The following ARID1A variants were observed in gnomAD, a reference collection of about 807,000 sequenced individuals.
The protein encoded by ARID1A is AT-rich interaction domain 1A, also known as AT-rich interactive domain-containing protein 1A.
ARID1A carries 20 observed loss-of-function variants against 212.6 expected under a neutral mutation model. The ratio of observed to expected loss-of-function variants is 0.09; its 90% CI spans 0.07 to 0.14. The LOEUF is 0.14. ARID1A is among the 10% of genes least tolerant of loss of function. The pLI is 1.00. For missense variants in ARID1A, 2,587 were observed against 3,059.0 expected (o/e 0.85, Z 3.64); for synonymous variants, 1,376 against 1,222.1 (o/e 1.13, Z -2.63).
chr1:26,726,325 C>A (rs1012547934), intron 1 of ARID1A, among the ~76,000 whole-genome samples: 1 of 151,830 alleles, frequency 6.6e-6, no homozygotes, highest in Non-Finnish European at 1.5e-5. Context: ...AGGCATGTGC[C>A]GCCACACCCA....
At chr1:26,769,469 C>T (rs1333538082) in intron 11 of ARID1A, 1 of 152,154 alleles carries the variant, frequency 6.6e-6, no homozygotes, top group African/African-American at 2.4e-5. Flanking sequence ...GAAGAGTGGC[C>T]AATCCAGTAG....
chr1:26,714,672 C>T (rs2080485111), intron 1 of ARID1A, among the ~76,000 whole-genome samples: 1 of 152,142 alleles, frequency 6.6e-6, no homozygotes, highest in Non-Finnish European at 1.5e-5. Context: ...GCCTCTGCCT[C>T]CCAAAGTGCT....
intron 10 of ARID1A, 97 bp from the exon 11 acceptor site, chr1:26,767,690 TAAG>T (rs1464946245): frequency 3.4e-5 from 41 of 1,211,988 alleles, no homozygotes; most frequent in Admixed American, 5.5e-5. Context: ...CACCCCAGAG[TAAG>T]AAGCTTTAAC....
In ARID1A at chr1:26,771,673, C is replaced by T. The variant is rs2081083506; in HGVS notation, c.3406+347C>T. On this transcript the variant is annotated intron_variant, in intron 12 of 19. Coordinates refer to ENST00000324856, the MANE Select transcript of ARID1A (RefSeq NM_006015.6). This position sits in a 1 kb window ranked among gnomAD's most constrained non-coding sequence, Gnocchi z 5.4. ...AGCTTTGGCCTATTGATGTCAGCACCTTAGAATGCAGCTCAGACTAGAGCC... is the reference window on the plus strand; with the variant it reads ...AGCTTTGGCCTATTGATGTCAGCACTTTAGAATGCAGCTCAGACTAGAGCC... The T allele has an allele frequency of 1.2e-5, 4 of 323,484 alleles. No homozygotes were observed. Among genetic ancestry groups the T allele is most frequent in the Non-Finnish European group, 5.9e-6 (1 of 170,082 alleles). The allele number at this position is 323,484 out of a possible 1,614,324, so 20.0% of individuals were successfully genotyped here. A position where few individuals can be genotyped will look rare whatever the true frequency, so the allele number is the denominator to read the frequency against.
At chr1:26,745,972 A>G (rs750580240) in intron 4 of ARID1A, among the ~76,000 whole-genome samples, 6 of 152,100 alleles carry the variant, frequency 3.9e-5, no homozygotes, top group Non-Finnish European at 5.9e-5. Flanking sequence ...AATCGCTTGA[A>G]CCTGGGAGGC....
intron 1 of ARID1A, 127 bp downstream of exon 1, chr1:26,697,667 T>A (rs1322415168): frequency 7.4e-6 from 7 of 940,608 alleles, no homozygotes; most frequent in Non-Finnish European, 9.7e-6. Flanking sequence ...GAGCTGCCAT[T>A]GTCTGGCTCT....
rs1133451 is a variant in ARID1A, at chr1:26,729,813, A to G, written c.1300A>G (p.Met434Val). The G allele has an allele frequency of 6.2e-7, 1 of 1,614,226 alleles. No individual in the cohort carries two copies. The highest frequency in any genetic ancestry group is 1.1e-5 in the South Asian group (1 of 91,078). ...GACCCCGCAGCGGTACCCGATGACC[A>G]TGCAGGGCCGGGCGCAGAGTGCCAT... ...SQTPQRYPMTMQGRAQSAMGG... is the reference protein window; with the variant it reads ...SQTPQRYPMTVQGRAQSAMGG... The change falls in exon 2 of 20, where the codon ATG becomes GTG. Residue 434 changes from methionine (M) to valine (V), a missense_variant. Met to Val is a conservative substitution (Grantham distance 21, BLOSUM62 1). This residue lies in a region of ARID1A where 674 missense variants were observed against 813.4 expected (regional missense o/e 0.83). Coordinates refer to ENST00000324856, the MANE Select transcript of ARID1A (RefSeq NM_006015.6).
chr1:26,769,770 A>G (rs1570610953), intron 11 of ARID1A: 1 of 152,420 alleles, frequency 6.6e-6, no homozygotes, highest in East Asian at 1.9e-4. Flanking sequence ...ATGAATAAGC[A>G]TAAGAATACA....
chr1:26,770,952 T>C (rs1250311144), intron 11 of ARID1A, 167 bp from the exon 12 acceptor site: 1 of 633,580 alleles, frequency 1.6e-6, no homozygotes, highest in Non-Finnish European at 2.7e-6. Flanking sequence ...CAGCTGCAGA[T>C]TTAACACTTC....
At position 26,780,039 on chromosome 1, in the gene ARID1A, G is replaced by A. The variant is rs1320617416; in HGVS notation, c.6141G>A (p.Glu2047=). The A allele has an allele frequency of 1.2e-6, 2 of 1,614,220 alleles. No individual in the cohort carries two copies. The highest frequency in any genetic ancestry group is 1.7e-5 in the Admixed American group (1 of 60,028). ...QDQGVSCNKV[E]WWWDCLEMLR... is the part of the protein sequence containing the mutation. ...AAGGGGTGAGCTGCAACAAAGTGGAGTGGTGGTGGGACTGCTTGGAGATGC... is the reference window on the plus strand; with the variant it reads ...AAGGGGTGAGCTGCAACAAAGTGGAATGGTGGTGGGACTGCTTGGAGATGC... The change falls in exon 20 of 20, where the codon GAG becomes GAA. Residue 2047 remains glutamate (E), a synonymous_variant. Coordinates refer to ENST00000324856, the MANE Select transcript of ARID1A (RefSeq NM_006015.6). The surrounding 1 kb of genome is among the most constrained non-coding windows in gnomAD (Gnocchi z 7.2).
At chr1:26,709,271 A>G (rs890779478) in intron 1 of ARID1A, among the ~76,000 whole-genome samples, 14 of 152,148 alleles carry the variant, frequency 9.2e-5, no homozygotes, top group Non-Finnish European at 1.3e-4. Flanking sequence ...TCCCACAACT[A>G]TCTCTCCCAC....
rs1343861188 is a variant in ARID1A, at chr1:26,778,905, G to C, written c.5125-118G>C. ...TGCTCTGTGGAGAACCTTTGGGAAA[G>C]GAGCAACTCTGCCTCTCCCAACTGA... On this transcript the variant is annotated intron_variant, in intron 19 of 19. Coordinates refer to ENST00000324856, the MANE Select transcript of ARID1A (RefSeq NM_006015.6). The C allele has an allele frequency of 2.1e-5, 21 of 999,186 alleles. No homozygotes were observed. The East Asian group carries it at 2.8e-4, about 13-fold the overall frequency. 61.9% of individuals were successfully genotyped at this position (999,186 alleles called of 1,614,324 possible). A position where few individuals can be genotyped will look rare whatever the true frequency, so the allele number is the denominator to read the frequency against.
Position 26,696,969 on chromosome 1 carries a change from G to T in ARID1A, c.566G>T (p.Gly189Val), listed in dbSNP as rs2080270760. Residue 189 changes from glycine (G) to valine (V), a missense_variant, in exon 1 of 20, where the codon GGC becomes GTC. Gly to Val is a moderately radical substitution (Grantham distance 109). Transcript: ENST00000324856. ...CTGGCAGCGCTGCAGAGCGGCGGCG[G>T]CGGGGGCCTGGAGCCCTACGCGGGG... ...PGLAALQSGG[G>V]GGLEPYAGPQ... The T allele has an allele frequency of 6.8e-7, 1 of 1,481,398 alleles. No homozygotes were observed. The highest frequency in any genetic ancestry group is 8.9e-7 in the Non-Finnish European group (1 of 1,121,358). The allele number at this position is 1,481,398 out of a possible 1,614,324, so 91.8% of individuals were successfully genotyped here.
At chr1:26,709,729 C>A (rs1187745559) in intron 1 of ARID1A, among the ~76,000 whole-genome samples, 1 of 150,908 alleles carries the variant, frequency 6.6e-6, no homozygotes, top group East Asian at 2.0e-4. Flanking sequence ...ACAATCATAG[C>A]CCACTCTCAA....
chr1:26,710,731 T>C, intron 1 of ARID1A, among the ~76,000 whole-genome samples: 1 of 152,192 alleles, frequency 6.6e-6, no homozygotes, highest in East Asian at 1.9e-4. Flanking sequence ...ACTAGATTTA[T>C]ACATTTACAC....
At chr1:26,756,892 C>T (rs956939310) in intron 4 of ARID1A, among the ~76,000 whole-genome samples, 6 of 151,640 alleles carry the variant, frequency 4.0e-5, no homozygotes, top group Admixed American at 2.0e-4. Context: ...TTAGTAAAGA[C>T]GGGGTTTCAC....
intron 2 of ARID1A, among the ~76,000 whole-genome samples, chr1:26,730,875 C>T (rs1384961172): frequency 1.3e-5 from 2 of 152,302 alleles, no homozygotes; most frequent in African/African-American, 4.8e-5. Context: ...CTGGTAGAAA[C>T]AGCTGCTCTC....
At chr1:26,708,947 G>A (rs1020743155) in intron 1 of ARID1A, among the ~76,000 whole-genome samples, 1 of 151,844 alleles carries the variant, frequency 6.6e-6, no homozygotes, top group South Asian at 2.1e-4. Flanking sequence ...CGCCCGCTTC[G>A]GCCTCCCAAA....
At chr1:26,740,980 T>C in intron 4 of ARID1A, among the ~76,000 whole-genome samples, 1 of 152,300 alleles carries the variant, frequency 6.6e-6, no homozygotes, top group African/African-American at 2.4e-5. Flanking sequence ...TGGAATATAA[T>C]ATAGTAAGAT....
Sources: allele counts gnomAD v4.1 joint callset (sites outside exome capture counted in the v4.1 genomes callset), GRCh38; gene constraint gnomAD v4.1.1; regional missense constraint gnomAD v4.1.1; non-coding constraint Gnocchi (gnomAD v3.1); transcripts MANE v1.5; gene names NCBI Gene and HGNC (gene_info 2026-07-23, HGNC 2026-07-21).